PPP3CC: variants seen among roughly 807,000 people sequenced by gnomAD.
PPP3CC encodes the protein serine/threonine-protein phosphatase 2B catalytic subunit gamma isoform.
In PPP3CC, 35 loss-of-function variants were observed where a neutral mutation model predicts 60.3. That is an observed-to-expected ratio of 0.58 (90% confidence interval 0.44 to 0.77). The LOEUF (loss-of-function observed/expected upper bound fraction) is 0.77, where lower values mean the gene tolerates loss of function less well. Among genes scored for constraint, PPP3CC ranks in the 30% least tolerant of loss-of-function variants. The probability of loss-of-function intolerance (pLI) is 0.00; values close to 1 mark genes in which losing one functional copy is unlikely to be tolerated. For synonymous variants in PPP3CC, 206 were observed against 224.3 expected (o/e 0.92, Z 0.73); for missense variants, 570 against 628.9 (o/e 0.91, Z 1.00).
At chr8:22,461,155 C>CT (rs1420683774) in intron 1 of PPP3CC, among the ~76,000 whole-genome samples, 2 of 152,128 alleles carry the variant, frequency 1.3e-5, no homozygotes, top group Non-Finnish European at 2.9e-5. Context: ...AAAATCTTTA[C>CT]TTTATTTACA....
At chr8:22,516,858 G>A (rs936649479) in intron 6 of PPP3CC, among the ~76,000 whole-genome samples, 2 of 152,052 alleles carry the variant, frequency 1.3e-5, no homozygotes, top group African/African-American at 4.8e-5. Flanking sequence ...GAGAAAATAT[G>A]CGAGTGTTAG....
intron 6 of PPP3CC, among the ~76,000 whole-genome samples, chr8:22,517,358 C>T (rs1839275583): frequency 6.6e-6 from 1 of 152,194 alleles, no homozygotes; most frequent in Admixed American, 6.5e-5. Context: ...GCTTTGGTAT[C>T]AGAGTGATGC....
chr8:22,465,867 T>C (rs1336174263), intron 1 of PPP3CC, among the ~76,000 whole-genome samples: 1 of 152,190 alleles, frequency 6.6e-6, no homozygotes, highest in Admixed American at 6.5e-5. Context: ...CTTTAAGTTC[T>C]AGGGTACATG....
chr8:22,445,394 G>A (rs762405047), intron 1 of PPP3CC, among the ~76,000 whole-genome samples: 3 of 151,860 alleles, frequency 2.0e-5, no homozygotes, highest in African/African-American at 4.8e-5. Flanking sequence ...TTAAATATAA[G>A]CTTAATCCTG....
At chr8:22,498,163 C>T (rs768900583) in intron 4 of PPP3CC, 51 bp downstream of exon 4, 9 of 1,147,512 alleles carry the variant, frequency 7.8e-6, no homozygotes, top group South Asian at 1.6e-5. Context: ...TTAACCTGTC[C>T]GAAGTAAATC....
intron 10 of PPP3CC, chr8:22,531,237 A>G (rs1209195474): frequency 4.2e-6 from 6 of 1,424,900 alleles, no homozygotes; most frequent in Non-Finnish European, 5.7e-6. Context: ...CCATGTAAAC[A>G]TAAATTTCTC....
intron 8 of PPP3CC, among the ~76,000 whole-genome samples, chr8:22,525,358 G>A (rs1395939552): frequency 6.6e-6 from 1 of 151,894 alleles, no homozygotes; most frequent in East Asian, 1.9e-4. Context: ...CTTCTTTTCT[G>A]AAAAAGGGAA....
chr8:22,508,090 C>T (rs1208204591), intron 4 of PPP3CC, among the ~76,000 whole-genome samples: 1 of 152,078 alleles, frequency 6.6e-6, no homozygotes, highest in Non-Finnish European at 1.5e-5. Flanking sequence ...CCTGTCTCTA[C>T]AAGTAATTTT....
intron 6 of PPP3CC, among the ~76,000 whole-genome samples, chr8:22,515,078 TCTGA>T (rs1246202411): frequency 4.6e-5 from 7 of 152,214 alleles, no homozygotes; most frequent in African/African-American, 1.7e-4. Context: ...ATTCATTCTT[TCTGA>T]CTGTTTTTTT....
In PPP3CC at chr8:22,444,116, C is replaced by T. The variant is rs541271217; in HGVS notation, c.49+2658C>T. On this transcript the variant is annotated intron_variant, in intron 1 of 13. Coordinates refer to ENST00000240139, the MANE Select transcript of PPP3CC (RefSeq NM_005605.5). ...TCTTAAATTGAAGGATGTGGCTGGG[C>T]GTGGTGGCTCACACCTGTAATGCCA... Among the ~76,000 whole-genome samples the T allele has an allele frequency of 5.4e-4, 82 of 152,088 alleles. 2 individuals are homozygous for T. The South Asian group carries it at 0.017, about 31-fold the overall frequency.
intron 3 of PPP3CC, among the ~76,000 whole-genome samples, chr8:22,494,385 G>A (rs1161067961): frequency 6.6e-6 from 1 of 152,084 alleles, no homozygotes; most frequent in Non-Finnish European, 1.5e-5. Context: ...AGGAAAGACC[G>A]GCCCCCATGA....
chr8:22,502,572 C>A (rs1001664292), intron 4 of PPP3CC, among the ~76,000 whole-genome samples: 1 of 152,062 alleles, frequency 6.6e-6, no homozygotes, highest in Admixed American at 6.6e-5. Context: ...CCTATAGTTG[C>A]AGCTACTTGG....
At chr8:22,532,369 T>A in intron 11 of PPP3CC, 63 bp downstream of exon 11, 1 of 1,375,388 alleles carries the variant, frequency 7.3e-7, no homozygotes, top group East Asian at 2.3e-5. Flanking sequence ...AGACGTCGAA[T>A]TCAGAACAGT....
intron 3 of PPP3CC, among the ~76,000 whole-genome samples, chr8:22,493,588 CAT>C (rs1459306309): frequency 6.6e-6 from 1 of 152,040 alleles, no homozygotes; most frequent in Non-Finnish European, 1.5e-5. Flanking sequence ...CACACACACA[CAT>C]GCACGTGCGC....
chr8:22,486,424 A>G (rs757354135), intron 3 of PPP3CC, among the ~76,000 whole-genome samples: 1 of 152,170 alleles, frequency 6.6e-6, no homozygotes, highest in Non-Finnish European at 1.5e-5. Context: ...TTAACCAGTA[A>G]TATATAAAGG....
At chr8:22,537,873 G>A (rs922642777) in intron 12 of PPP3CC, among the ~76,000 whole-genome samples, 3 of 152,188 alleles carry the variant, frequency 2.0e-5, no homozygotes, top group Admixed American at 2.0e-4. Context: ...GTAGATTCGT[G>A]TTCAACCAGG....
intron 1 of PPP3CC, among the ~76,000 whole-genome samples, chr8:22,447,724 T>C (rs1225222067): frequency 3.3e-5 from 5 of 152,234 alleles, no homozygotes; most frequent in Non-Finnish European, 7.3e-5. Context: ...CCTTATATTC[T>C]ATCTGGTTAT....
chr8:22,500,951 C>G (rs954649556), intron 4 of PPP3CC, among the ~76,000 whole-genome samples: 1 of 152,074 alleles, frequency 6.6e-6, no homozygotes, highest in African/African-American at 2.4e-5. Context: ...CCCAAGAGTT[C>G]AAGACCAGCC....
chr8:22,452,896 T>G (rs952258611), intron 1 of PPP3CC, among the ~76,000 whole-genome samples: 3 of 152,228 alleles, frequency 2.0e-5, no homozygotes, highest in Non-Finnish European at 4.4e-5. Flanking sequence ...GCTTTAAATA[T>G]TTTCTTGTCC....
Sources: gnomAD v4.1 joint callset for allele counts (sites outside exome capture counted in the v4.1 genomes callset) on GRCh38, gnomAD v4.1.1 for gene constraint, MANE v1.5 for transcripts, NCBI Gene and HGNC (gene_info 2026-07-23, HGNC 2026-07-21) for gene names.